The following ITPR2 variants were observed in gnomAD, a reference collection of about 807,000 sequenced individuals.
ITPR2 encodes the protein inositol 1,4,5-trisphosphate receptor type 2.
Under a neutral mutation model 317.1 loss-of-function variants are expected in ITPR2, and 207 were observed. The observed-to-expected ratio is 0.65, with a 90% CI of 0.58 to 0.73. The LOEUF is 0.73. Ranked by LOEUF, ITPR2 falls within the 30% of genes least tolerant of loss-of-function variation. The pLI is 0.00. For synonymous variants in ITPR2, 1,156 were observed against 1,149.1 expected, an observed-to-expected ratio of 1.01 and a Z score of -0.12; for missense variants, 2,613 against 3,284.0, an observed-to-expected ratio of 0.80 and a Z score of 4.99.
At chr12:26,405,667 G>C (rs1052111737) in intron 52 of ITPR2, among the ~76,000 whole-genome samples, 1 of 152,118 alleles carries the variant, frequency 6.6e-6, no homozygotes, top group African/African-American at 2.4e-5. Flanking sequence ...TGGTTTCTTA[G>C]AAAACAAGGG....
chr12:26,816,155 T>C (rs1227563116), intron 1 of ITPR2, among the ~76,000 whole-genome samples: 1 of 151,098 alleles, frequency 6.6e-6, no homozygotes, highest in East Asian at 1.9e-4. Context: ...ACAGCAGAAC[T>C]TTTTAACATC....
At chr12:26,390,353 C>T (rs980901786) in intron 54 of ITPR2, among the ~76,000 whole-genome samples, 1 of 152,126 alleles carries the variant, frequency 6.6e-6, no homozygotes, top group Non-Finnish European at 1.5e-5. Flanking sequence ...GTGGAAACAA[C>T]CCCAATGTCA....
At position 26,580,016 on chromosome 12, in the gene ITPR2, G is replaced by A. The variant is rs777467575; in HGVS notation, c.4509+11C>T. Reference sequence around the variant, plus strand: ...CTTTGCAACAGAATGCTTTGCAATTGTTTAACTTACCTGGAGGCTGGTACT... The same window carrying A: ...CTTTGCAACAGAATGCTTTGCAATTATTTAACTTACCTGGAGGCTGGTACT... On this transcript the variant is annotated intron_variant, in intron 33 of 56. Transcript: ENST00000381340. 4 of 1,604,700 alleles carry A rather than the reference G, an allele frequency of 2.5e-6. No homozygotes were observed. In the Admixed American group the frequency reaches 6.8e-5, roughly 27 times the overall value.
At position 26,594,906 on chromosome 12, in the gene ITPR2, C is replaced by G. The variant is rs147186275; in HGVS notation, c.4380+559G>C. 3.9e-3 allele frequency among the ~76,000 whole-genome samples: 589 copies of G among 152,318 alleles called. 3 individuals are homozygous for G. The highest frequency in any genetic ancestry group is 7.8e-3 in the Admixed American group (119 of 15,294). ...AACCAGCTCCACATGTCCTCCCCAA[C>G]AGCCCCCAACAAAACAAACAGTAAT... is the stretch of plus-strand genomic sequence containing the variant. On this transcript the variant is annotated intron_variant, in intron 32 of 56. Transcript: ENST00000381340.
intron 37 of ITPR2, 29 bp downstream of exon 37, chr12:26,550,218 T>G (rs1233720088): frequency 2.1e-6 from 2 of 936,078 alleles, no homozygotes; most frequent in Admixed American, 4.7e-5. Flanking sequence ...TACTTTATTT[T>G]TAAATAATAA....
Position 26,595,488 on chromosome 12 carries a change from T to A in ITPR2, c.4357A>T (p.Asn1453Tyr). ...TSNHIWKLFE[N>Y]FLVDMARVCN... is the part of the protein sequence containing the mutation. ...ACCCTTGCCATATCCACCAAGAAGT[T>A]CTCAAATAATTTCCAAATGTGGTTA... is the stretch of plus-strand genomic sequence containing the variant. The change falls in exon 32 of 57, where the codon AAC becomes TAC. Residue 1453 changes from asparagine (N) to tyrosine (Y), a missense_variant. By Grantham distance (143) the Asn-to-Tyr change is moderately radical (BLOSUM62 -2). Coordinates refer to ENST00000381340, the MANE Select transcript of ITPR2 (RefSeq NM_002223.4). 1 of 1,608,746 alleles carries A rather than the reference T, an allele frequency of 6.2e-7. No individual in the cohort carries two copies. The highest frequency in any genetic ancestry group is 8.5e-7 in the Non-Finnish European group (1 of 1,178,606).
At chr12:26,705,412 A>C (rs1395171361) in intron 9 of ITPR2, among the ~76,000 whole-genome samples, 1 of 152,050 alleles carries the variant, frequency 6.6e-6, no homozygotes, top group Non-Finnish European at 1.5e-5. Context: ...TTGATTTTCC[A>C]GGTGCTTCTG....
At chr12:26,541,736 T>C (rs560807939) in intron 37 of ITPR2, among the ~76,000 whole-genome samples, 1 of 152,324 alleles carries the variant, frequency 6.6e-6, no homozygotes, top group South Asian at 2.1e-4. Flanking sequence ...ACATGCATAT[T>C]TGATGTAGGA....
intron 6 of ITPR2, 45 bp downstream of exon 6, chr12:26,716,099 C>T (rs1948735547): frequency 7.9e-7 from 1 of 1,267,376 alleles, no homozygotes; most frequent in East Asian, 2.3e-5. Flanking sequence ...CCCTCTGTCT[C>T]ATGAGAAAAA....
At chr12:26,453,893 C>T (rs74235574) in intron 45 of ITPR2, among the ~76,000 whole-genome samples, 6,948 of 152,236 alleles carry the variant, frequency 0.046, 185 homozygotes, top group Middle Eastern at 0.095. Flanking sequence ...TGTCCTCCAT[C>T]TAGAATGTAG....
chr12:26,454,735 T>C (rs61914405), intron 45 of ITPR2, among the ~76,000 whole-genome samples: 14,377 of 151,306 alleles, frequency 0.095, 941 homozygotes, highest in Non-Finnish European at 0.15. Context: ...AAGTAATTGC[T>C]GCGGGGGTGG....
At chr12:26,579,757 T>C (rs1232528790) in intron 33 of ITPR2, among the ~76,000 whole-genome samples, 1 of 152,156 alleles carries the variant, frequency 6.6e-6, no homozygotes, top group Non-Finnish European at 1.5e-5. Context: ...AAGAATTAAT[T>C]GTGCAGTTAT....
chr12:26,701,327 T>G (rs948029051), intron 9 of ITPR2, among the ~76,000 whole-genome samples: 3 of 152,224 alleles, frequency 2.0e-5, no homozygotes, highest in African/African-American at 7.2e-5. Context: ...TACAATGAAA[T>G]GTGTTTTGAT....
intron 55 of ITPR2, among the ~76,000 whole-genome samples, chr12:26,342,974 T>C (rs997247264): frequency 6.6e-5 from 10 of 152,188 alleles, no homozygotes; most frequent in African/African-American, 2.4e-4. Context: ...GAGAGTGCGA[T>C]GTTATAAGCC....
intron 23 of ITPR2, among the ~76,000 whole-genome samples, chr12:26,626,044 G>A (rs868701949): frequency 2.0e-5 from 3 of 152,030 alleles, no homozygotes; most frequent in Admixed American, 6.6e-5. Flanking sequence ...TCACTGCAGC[G>A]TCGACCTTCC....
chr12:26,538,082 C>G (rs1219051373), intron 37 of ITPR2, among the ~76,000 whole-genome samples: 1 of 152,178 alleles, frequency 6.6e-6, no homozygotes, highest in Non-Finnish European at 1.5e-5. Context: ...TTGATATCAT[C>G]ATAGAATGAG....
intron 37 of ITPR2, among the ~76,000 whole-genome samples, chr12:26,531,641 T>G (rs1376781889): frequency 7.3e-6 from 1 of 137,332 alleles, no homozygotes. Context: ...CTAAGCTTCA[T>G]GTTTACTGTA....
intron 14 of ITPR2, among the ~76,000 whole-genome samples, chr12:26,665,509 C>T (rs1365063864): frequency 6.6e-6 from 1 of 152,174 alleles, no homozygotes; most frequent in Non-Finnish European, 1.5e-5. Flanking sequence ...TCTAAGATTA[C>T]GTTCTACAAA....
chr12:26,832,236 T>C (rs904419248), intron 1 of ITPR2, among the ~76,000 whole-genome samples: 1 of 152,190 alleles, frequency 6.6e-6, no homozygotes, highest in Non-Finnish European at 1.5e-5. Context: ...TTGAGTTTCA[T>C]GTCCAAGGCC....
Sources: allele counts gnomAD v4.1 joint callset (sites outside exome capture counted in the v4.1 genomes callset), GRCh38; gene constraint gnomAD v4.1.1; transcripts MANE v1.5; gene names NCBI Gene and HGNC (gene_info 2026-07-23, HGNC 2026-07-21).